Variants in ROBO2 observed in about 807,000 individuals in gnomAD.
The protein encoded by ROBO2 is roundabout homolog 2.
ROBO2 carries 53 observed loss-of-function variants against 160.8 expected under a neutral mutation model. That is an observed-to-expected ratio of 0.33 (90% CI 0.26 to 0.41). The LOEUF (loss-of-function observed/expected upper bound fraction) is 0.41. Ranked by LOEUF, ROBO2 falls within the 10% of genes least tolerant of loss-of-function variation. The pLI, the probability that ROBO2 is intolerant of heterozygous loss-of-function variation, is 1.00. For synonymous variants in ROBO2, 664 were observed against 611.7 expected (o/e 1.09, Z -1.26); for missense variants, 1,577 against 1,722.4 (o/e 0.92, Z 1.49).
At chr3:76,449,378 G>A (rs1410876233) in intron 2 of ROBO2, among the ~76,000 whole-genome samples, 3 of 151,906 alleles carry the variant, frequency 2.0e-5, no homozygotes, top group South Asian at 2.1e-4. Flanking sequence ...TAGATTTTTA[G>A]CATTCACAAT....
At chr3:76,803,742 A>C (rs1291867787) in intron 2 of ROBO2, among the ~76,000 whole-genome samples, 3 of 152,130 alleles carry the variant, frequency 2.0e-5, no homozygotes, top group African/African-American at 7.2e-5. Flanking sequence ...TATACACTCG[A>C]CTCAAGTTGG....
At chr3:76,529,802 T>G (rs1169854319) in intron 2 of ROBO2, among the ~76,000 whole-genome samples, 1 of 152,174 alleles carries the variant, frequency 6.6e-6, no homozygotes, top group African/African-American at 2.4e-5. Flanking sequence ...CCCTCTTCTA[T>G]TCTCCCTTGC....
intron 2 of ROBO2, among the ~76,000 whole-genome samples, chr3:77,191,069 A>C (rs754910583): frequency 9.9e-5 from 15 of 152,152 alleles, no homozygotes; most frequent in Non-Finnish European, 1.8e-4. Context: ...CTTTTTGACT[A>C]TAGACTCCCA....
chr3:76,141,960 A>G (rs1433060074), intron 2 of ROBO2, among the ~76,000 whole-genome samples: 1 of 151,966 alleles, frequency 6.6e-6, no homozygotes, highest in East Asian at 1.9e-4. Flanking sequence ...TAAATGAATG[A>G]CTAAGAAGGT....
At chr3:77,044,895 T>C (rs1360441685) in intron 1 of ROBO2, among the ~76,000 whole-genome samples, 1 of 152,210 alleles carries the variant, frequency 6.6e-6, no homozygotes, top group Non-Finnish European at 1.5e-5. Context: ...TTAAAGGTTC[T>C]CCAGGTATAG....
chr3:77,320,264 G>C (rs979350351), intron 2 of ROBO2, among the ~76,000 whole-genome samples: 4 of 152,056 alleles, frequency 2.6e-5, no homozygotes, highest in Non-Finnish European at 5.9e-5. Flanking sequence ...TTGATTTCTA[G>C]CAATTGCTGG....
chr3:76,434,246 G>A (rs1277820315), intron 2 of ROBO2: 2 of 1,011,400 alleles, frequency 2.0e-6, no homozygotes, highest in African/African-American at 1.6e-5. Context: ...TGACGTTGGA[G>A]CGAGCGCTGT....
At chr3:76,836,397 A>ATTTTGGTCATT (rs1340677064) in intron 2 of ROBO2, among the ~76,000 whole-genome samples, 1 of 149,258 alleles carries the variant, frequency 6.7e-6, no homozygotes, top group East Asian at 2.0e-4. Flanking sequence ...ATCCTCAGCT[A>ATTTTGGTCATT]TTTTGGTCAT....
chr3:77,464,558 G>A (rs1255367798), intron 2 of ROBO2, among the ~76,000 whole-genome samples: 2 of 152,124 alleles, frequency 1.3e-5, no homozygotes, highest in Non-Finnish European at 2.9e-5. Flanking sequence ...GGAGGAAGGG[G>A]ACTATTCAGC....
chr3:77,317,098 A>G, intron 2 of ROBO2: 8 of 1,344,620 alleles, frequency 5.9e-6, no homozygotes, highest in Non-Finnish European at 8.5e-6. Context: ...GCCAACTGCA[A>G]AGTTGCTCTG....
chr3:77,252,857 A>C (rs1243396744), intron 2 of ROBO2, among the ~76,000 whole-genome samples: 1 of 105,132 alleles, frequency 9.5e-6, no homozygotes, highest in African/African-American at 3.0e-5. Context: ...TATATGAAAA[A>C]TAAACAGACG....
At chr3:77,141,892 C>T (rs1010658246) in intron 2 of ROBO2, among the ~76,000 whole-genome samples, 9 of 152,130 alleles carry the variant, frequency 5.9e-5, no homozygotes, top group Admixed American at 3.3e-4. Context: ...TTCCTCTAGC[C>T]GTGTGTTAGA....
chr3:76,127,894 C>CTT (rs10691388), intron 2 of ROBO2, among the ~76,000 whole-genome samples: 82,050 of 117,532 alleles, frequency 0.7, 31,193 homozygotes, highest in Non-Finnish European at 0.81. Flanking sequence ...GAAGACATTT[C>CTT]TTTTTTTTTT....
chr3:77,112,524 G>T (rs1261207963), intron 2 of ROBO2, among the ~76,000 whole-genome samples: 3 of 151,964 alleles, frequency 2.0e-5, no homozygotes, highest in Non-Finnish European at 4.4e-5. Context: ...GATTACAGGC[G>T]TGAGCCACCG....
At chr3:76,259,072 T>C (rs72630385) in intron 2 of ROBO2, among the ~76,000 whole-genome samples, 22,309 of 152,076 alleles carry the variant, frequency 0.15, 3,148 homozygotes, top group East Asian at 0.41. Context: ...GTTAAATAGT[T>C]CTTATTTTAG....
chr3:76,785,064 C>T (rs983478191), intron 2 of ROBO2, among the ~76,000 whole-genome samples: 7 of 151,206 alleles, frequency 4.6e-5, no homozygotes, highest in African/African-American at 1.7e-4. Context: ...GAAATGAGAG[C>T]CAGAAATTCC....
At chr3:75,920,286 A>T (rs919532854) in intron 1 of ROBO2, among the ~76,000 whole-genome samples, 1 of 152,120 alleles carries the variant, frequency 6.6e-6, no homozygotes, top group African/African-American at 2.4e-5. Flanking sequence ...TTTGCTATTT[A>T]CCCAGTAGTC....
At chr3:75,921,361 C>T (rs1208962885) in intron 1 of ROBO2, among the ~76,000 whole-genome samples, 1 of 151,856 alleles carries the variant, frequency 6.6e-6, no homozygotes, top group East Asian at 1.9e-4. Context: ...TACATACACA[C>T]ACACACACAT....
intron 1 of ROBO2, among the ~76,000 whole-genome samples, chr3:75,907,354 G>T: frequency 6.6e-6 from 1 of 152,158 alleles, no homozygotes; most frequent in East Asian, 1.9e-4. Context: ...GGAAGCAGAA[G>T]GTCTGGGCAC....
Sources: gnomAD v4.1 joint callset for allele counts (sites outside exome capture counted in the v4.1 genomes callset) on GRCh38, gnomAD v4.1.1 for gene constraint, MANE v1.5 for transcripts, NCBI Gene and HGNC (gene_info 2026-07-23, HGNC 2026-07-21) for gene names.